ME1: variants seen among roughly 807,000 people sequenced by gnomAD.
The protein encoded by ME1 is NADP-dependent malic enzyme.
A neutral mutation model predicts 66.4 loss-of-function variants in ME1; 74 were observed. That is an observed-to-expected ratio of 1.11 (90% CI 0.92 to 1.35). ME1 has a LOEUF of 1.35. ME1 is among the 40% of genes most tolerant of loss of function. The pLI is 0.00. For missense variants in ME1, 750 were observed against 694.1 expected (o/e 1.08, Z -0.90); for synonymous variants, 251 against 235.6 (o/e 1.07, Z -0.60).
At chr6:83,428,191 GGA>G (rs1770408905) in intron 1 of ME1, among the ~76,000 whole-genome samples, 1 of 151,958 alleles carries the variant, frequency 6.6e-6, no homozygotes, top group Non-Finnish European at 1.5e-5. Context: ...CACACAAAAA[GGA>G]AAGAATTAAG....
At chr6:83,219,140 A>G (rs1423862965) in intron 12 of ME1, among the ~76,000 whole-genome samples, 1 of 152,252 alleles carries the variant, frequency 6.6e-6, no homozygotes, top group African/African-American at 2.4e-5. Context: ...CTGGGGCAAA[A>G]TAAAACCATT....
At chr6:83,428,231 A>G (rs548990717) in intron 1 of ME1, among the ~76,000 whole-genome samples, 1 of 152,340 alleles carries the variant, frequency 6.6e-6, no homozygotes, top group Admixed American at 6.5e-5. Context: ...TTTAAGTGGA[A>G]GCCTACATTG....
chr6:83,322,864 C>T (rs1768205399), intron 5 of ME1, among the ~76,000 whole-genome samples: 1 of 152,140 alleles, frequency 6.6e-6, no homozygotes, highest in South Asian at 2.1e-4. Flanking sequence ...TCAGATCCAC[C>T]ATCGTTGAAA....
At chr6:83,398,748 G>T (rs879320000) in intron 2 of ME1, among the ~76,000 whole-genome samples, 2 of 152,230 alleles carry the variant, frequency 1.3e-5, no homozygotes, top group Middle Eastern at 3.4e-3. Context: ...GAGGTGGGCG[G>T]ATCACAAGAT....
chr6:83,275,197 G>A (rs1176098411), intron 6 of ME1, among the ~76,000 whole-genome samples: 1 of 151,802 alleles, frequency 6.6e-6, no homozygotes, highest in Non-Finnish European at 1.5e-5. Context: ...AGCCAGGTGT[G>A]GTGCCAGGCG....
chr6:83,265,074 C>G (rs182025374), intron 6 of ME1, among the ~76,000 whole-genome samples: 125 of 152,278 alleles, frequency 8.2e-4, no homozygotes, highest in African/African-American at 2.9e-3. Context: ...ACCACCTCAC[C>G]CAACCTTCAG....
chr6:83,225,818 A>ATATG (rs386407762), intron 11 of ME1, among the ~76,000 whole-genome samples: 1 of 99,684 alleles, frequency 1.0e-5, no homozygotes, highest in Admixed American at 1.0e-4. Flanking sequence ...TTATATATAT[A>ATATG]TATATATATA....
At chr6:83,354,208 C>A (rs1216331765) in intron 3 of ME1, among the ~76,000 whole-genome samples, 1 of 152,162 alleles carries the variant, frequency 6.6e-6, no homozygotes, top group East Asian at 1.9e-4. Flanking sequence ...CTCACTGCAT[C>A]CCCTGCCTCC....
At chr6:83,408,960 G>A (rs1269242331) in intron 1 of ME1, among the ~76,000 whole-genome samples, 1 of 152,138 alleles carries the variant, frequency 6.6e-6, no homozygotes, top group Admixed American at 6.5e-5. Context: ...CAAGGCGATG[G>A]CATAGGAAGA....
At chr6:83,227,304 T>G (rs1424427381) in intron 11 of ME1, 31 bp downstream of exon 11, 1 of 1,420,624 alleles carries the variant, frequency 7.0e-7, no homozygotes, top group East Asian at 2.6e-5. Context: ...AAAATTTGAT[T>G]ATTAAAATAT....
chr6:83,313,427 G>A (rs1767966976), intron 6 of ME1, among the ~76,000 whole-genome samples: 1 of 151,802 alleles, frequency 6.6e-6, no homozygotes, highest in Admixed American at 6.6e-5. Context: ...ATTCTGGATT[G>A]ATATAAAATA....
At chr6:83,357,493 C>CT (rs1283511775) in intron 3 of ME1, among the ~76,000 whole-genome samples, 1 of 152,094 alleles carries the variant, frequency 6.6e-6, no homozygotes, top group Non-Finnish European at 1.5e-5. Flanking sequence ...AAGCTGGCTT[C>CT]TATGGCTTTT....
At chr6:83,332,972 C>T (rs556365560) in intron 5 of ME1, among the ~76,000 whole-genome samples, 50 of 152,234 alleles carry the variant, frequency 3.3e-4, no homozygotes, top group Admixed American at 1.7e-3. Flanking sequence ...TCTGTTTTGG[C>T]ATCTTAGTTC....
At chr6:83,323,408 T>A (rs1768219791) in intron 5 of ME1, among the ~76,000 whole-genome samples, 1 of 151,844 alleles carries the variant, frequency 6.6e-6, no homozygotes, top group Non-Finnish European at 1.5e-5. Flanking sequence ...TCAGGAGACT[T>A]ATCTCACATG....
intron 6 of ME1, among the ~76,000 whole-genome samples, chr6:83,265,091 C>T (rs2128530147): frequency 6.6e-6 from 1 of 152,300 alleles, no homozygotes; most frequent in African/African-American, 2.4e-5. Context: ...TCAGTAACCA[C>T]CATTGTAATC....
chr6:83,366,636 C>T (rs1413839698), intron 3 of ME1, among the ~76,000 whole-genome samples: 1 of 152,158 alleles, frequency 6.6e-6, no homozygotes, highest in Non-Finnish European at 1.5e-5. Context: ...GCTATACGAT[C>T]AATACAAGAG....
At chr6:83,237,325 AAAGG>A (rs1186138597) in intron 9 of ME1, among the ~76,000 whole-genome samples, 30 of 150,032 alleles carry the variant, frequency 2.0e-4, no homozygotes, top group South Asian at 2.1e-4. Flanking sequence ...AAAAGGAAGG[AAAGG>A]AAGGAAGGAA....
intron 3 of ME1, among the ~76,000 whole-genome samples, chr6:83,362,474 C>A (rs1235620739): frequency 6.6e-6 from 1 of 152,186 alleles, no homozygotes. Flanking sequence ...ACCCAATGGG[C>A]CCATGAACAA....
Position 83,257,332 on chromosome 6 carries a change from ATAAAATAG to A in ME1, c.705-3602_705-3595del, listed in dbSNP as rs1766792090. ...TCCCAGTTTAAAAGGCCTATGTATA[ATAAAATAG>A]TAAAATGTAGGGAAATACAAGCAAT... On this transcript the variant is annotated intron_variant, in intron 6 of 13. Coordinates refer to ENST00000369705, the MANE Select transcript of ME1 (RefSeq NM_002395.6). 2.0e-5 allele frequency among the ~76,000 whole-genome samples: 3 copies of A among 152,206 alleles called. No homozygotes were observed. The South Asian group carries it at 6.2e-4, about 31-fold the overall frequency.
Sources: gnomAD v4.1 joint callset for allele counts (sites outside exome capture counted in the v4.1 genomes callset) on GRCh38, gnomAD v4.1.1 for gene constraint, MANE v1.5 for transcripts, NCBI Gene and HGNC (gene_info 2026-07-23, HGNC 2026-07-21) for gene names.